Variants in CNTN5 observed in about 807,000 individuals in gnomAD.
CNTN5 encodes the protein contactin 5, also known as contactin-5.
In CNTN5, 77 loss-of-function variants were observed where a neutral mutation model predicts 129.1. The observed-to-expected ratio is 0.60, with a 90% CI of 0.50 to 0.72. CNTN5 has a LOEUF of 0.72. Ranked by LOEUF, CNTN5 falls within the 30% of genes least tolerant of loss-of-function variation. The probability of loss-of-function intolerance (pLI) is 0.00; values close to 1 mark genes in which losing one functional copy is unlikely to be tolerated. For missense variants in CNTN5, 1,478 were observed against 1,328.8 expected, an observed-to-expected ratio of 1.11 and a Z score of -1.75; for synonymous variants, 509 against 465.6, an observed-to-expected ratio of 1.09 and a Z score of -1.20.
chr11:99,520,335 A>G (rs2135436636), intron 2 of CNTN5, among the ~76,000 whole-genome samples: 1 of 152,168 alleles, frequency 6.6e-6, no homozygotes, highest in East Asian at 1.9e-4. Context: ...ATGAACTATT[A>G]TTTCTCATTT....
chr11:100,039,772 G>C (rs995139910), intron 9 of CNTN5, among the ~76,000 whole-genome samples: 1 of 152,102 alleles, frequency 6.6e-6, no homozygotes, highest in Non-Finnish European at 1.5e-5. Flanking sequence ...GGCTACTGAG[G>C]CTTCTGCATT....
intron 1 of CNTN5, among the ~76,000 whole-genome samples, chr11:99,263,497 T>C (rs1862741047): frequency 6.6e-6 from 1 of 152,152 alleles, no homozygotes; most frequent in South Asian, 2.1e-4. Flanking sequence ...TTCAAGGAAA[T>C]TTATTCTGAT....
intron 1 of CNTN5, among the ~76,000 whole-genome samples, chr11:99,210,294 T>TG (rs1859702777): frequency 1.3e-5 from 2 of 152,222 alleles, no homozygotes; most frequent in Non-Finnish European, 2.9e-5. Flanking sequence ...TCTCAATTTT[T>TG]GCAATGCTTT....
At chr11:99,766,511 T>C (rs1313060649) in intron 3 of CNTN5, among the ~76,000 whole-genome samples, 1 of 152,044 alleles carries the variant, frequency 6.6e-6, no homozygotes, top group African/African-American at 2.4e-5. Flanking sequence ...TGAAATACTA[T>C]TATTTTATAC....
chr11:99,692,218 T>A (rs1363007043), intron 3 of CNTN5, among the ~76,000 whole-genome samples: 1 of 152,200 alleles, frequency 6.6e-6, no homozygotes, highest in Non-Finnish European at 1.5e-5. Context: ...TGTCTTTTAA[T>A]TGGGGCATTT....
intron 16 of CNTN5, among the ~76,000 whole-genome samples, chr11:100,254,471 C>T (rs777173559): frequency 2.6e-5 from 4 of 152,152 alleles, no homozygotes; most frequent in Non-Finnish European, 4.4e-5. Context: ...AGGTTGCCCT[C>T]TAGACCTTTG....
intron 3 of CNTN5, among the ~76,000 whole-genome samples, chr11:99,781,506 G>T (rs1945309460): frequency 6.6e-6 from 1 of 151,956 alleles, no homozygotes; most frequent in African/African-American, 2.4e-5. Flanking sequence ...CCCTTATCTT[G>T]TAGCTACTAT....
At chr11:99,213,492 A>G (rs1230181632) in intron 1 of CNTN5, among the ~76,000 whole-genome samples, 1 of 148,642 alleles carries the variant, frequency 6.7e-6, no homozygotes, top group African/African-American at 2.5e-5. Flanking sequence ...ACATATATAT[A>G]TATATACACA....
intron 1 of CNTN5, among the ~76,000 whole-genome samples, chr11:99,266,806 T>G (rs139609665): frequency 2.0e-5 from 3 of 152,086 alleles, no homozygotes; most frequent in East Asian, 1.9e-4. Flanking sequence ...GAGGAACAAG[T>G]GTACTTTGCC....
chr11:99,244,542 T>C (rs1362279788), intron 1 of CNTN5, among the ~76,000 whole-genome samples: 2 of 152,180 alleles, frequency 1.3e-5, no homozygotes, highest in African/African-American at 4.8e-5. Context: ...GTAATAACTC[T>C]TTCTATTCTT....
chr11:99,076,071 C>T (rs966758320), intron 1 of CNTN5, among the ~76,000 whole-genome samples: 3 of 152,094 alleles, frequency 2.0e-5, no homozygotes, highest in South Asian at 2.1e-4. Context: ...CAGTGGCTCA[C>T]GCCTGTAATC....
intron 8 of CNTN5, among the ~76,000 whole-genome samples, chr11:99,980,079 T>C (rs1192424630): frequency 6.6e-6 from 1 of 152,202 alleles, no homozygotes; most frequent in Non-Finnish European, 1.5e-5. Context: ...GTGCATAACC[T>C]GAAAGGTAAT....
chr11:99,365,009 G>T (rs1273563236), intron 2 of CNTN5, among the ~76,000 whole-genome samples: 2 of 152,102 alleles, frequency 1.3e-5, no homozygotes, highest in Admixed American at 1.3e-4. Flanking sequence ...TGTTGCATCT[G>T]CTTAGGTGCA....
chr11:99,287,489 G>T (rs1032232841), intron 1 of CNTN5, among the ~76,000 whole-genome samples: 9 of 151,948 alleles, frequency 5.9e-5, no homozygotes, highest in Non-Finnish European at 1.5e-5. Context: ...TTACAGGCAG[G>T]GAAGTTAAGA....
At chr11:99,250,715 G>C (rs999707147) in intron 1 of CNTN5, among the ~76,000 whole-genome samples, 1 of 151,826 alleles carries the variant, frequency 6.6e-6, no homozygotes, top group African/African-American at 2.4e-5. Flanking sequence ...ACTTGTTATA[G>C]TGGCAAGTAC....
At chr11:99,583,493 G>A (rs1012193665) in intron 3 of CNTN5, among the ~76,000 whole-genome samples, 10 of 152,182 alleles carry the variant, frequency 6.6e-5, no homozygotes, top group Non-Finnish European at 1.0e-4. Context: ...CTTCCCATCC[G>A]CTTTGTTTAC....
intron 9 of CNTN5, among the ~76,000 whole-genome samples, chr11:100,017,247 C>T (rs777723992): frequency 2.6e-5 from 4 of 151,952 alleles, no homozygotes; most frequent in South Asian, 4.1e-4. Flanking sequence ...CAGTATTTCC[C>T]GTACAGACAC....
At chr11:99,736,743 G>A (rs1378160343) in intron 3 of CNTN5, among the ~76,000 whole-genome samples, 1 of 151,930 alleles carries the variant, frequency 6.6e-6, no homozygotes, top group South Asian at 2.1e-4. Context: ...TACTGCAGTA[G>A]GCCTATCTAT....
chr11:99,095,796 A>C (rs1223127866), intron 1 of CNTN5, among the ~76,000 whole-genome samples: 1 of 151,896 alleles, frequency 6.6e-6, no homozygotes, highest in Non-Finnish European at 1.5e-5. Flanking sequence ...TTATTTTGTG[A>C]GCAGTCAGGA....
Sources: gnomAD v4.1 joint callset for allele counts (sites outside exome capture counted in the v4.1 genomes callset) on GRCh38, gnomAD v4.1.1 for gene constraint, MANE v1.5 for transcripts, NCBI Gene and HGNC (gene_info 2026-07-23, HGNC 2026-07-21) for gene names.